C10orf90: variants seen among roughly 807,000 people sequenced by gnomAD.
C10orf90 encodes chromosome 10 open reading frame 90.
Under a neutral mutation model 62.5 loss-of-function variants are expected in C10orf90, and 56 were observed. The ratio of observed to expected loss-of-function variants is 0.90; its 90% CI spans 0.72 to 1.12. The LOEUF (loss-of-function observed/expected upper bound fraction) is 1.12, where lower values mean the gene tolerates loss of function less well. C10orf90 is among the 50% of genes most tolerant of loss of function. The pLI is 0.00. For synonymous variants in C10orf90, 386 were observed against 340.4 expected, an observed-to-expected ratio of 1.13 and a Z score of -1.47; for missense variants, 970 against 880.4, an observed-to-expected ratio of 1.10 and a Z score of -1.29.
chr10:126,578,333 A>G (rs551956992), intron 2 of C10orf90, among the ~76,000 whole-genome samples: 1 of 152,332 alleles, frequency 6.6e-6, no homozygotes, highest in Admixed American at 6.5e-5. Context: ...AAGAACTTAG[A>G]CTTTTCACAA....
At chr10:126,668,516 G>A (rs1200302290) in intron 1 of C10orf90, among the ~76,000 whole-genome samples, 1 of 152,158 alleles carries the variant, frequency 6.6e-6, no homozygotes, top group Non-Finnish European at 1.5e-5. Context: ...TGTCATGGTA[G>A]GAATAACATG....
chr10:126,458,867 G>A (rs1215885949), intron 7 of C10orf90, among the ~76,000 whole-genome samples, 173 bp downstream of exon 7: 1 of 152,166 alleles, frequency 6.6e-6, no homozygotes, highest in Non-Finnish European at 1.5e-5. Flanking sequence ...CTCAAAATGG[G>A]CTGGCTCCAA....
At chr10:126,522,445 C>T (rs1863788289) in intron 2 of C10orf90, among the ~76,000 whole-genome samples, 1 of 152,200 alleles carries the variant, frequency 6.6e-6, no homozygotes, top group Non-Finnish European at 1.5e-5. Context: ...TGGGATAAAG[C>T]CTCAGTCATT....
intron 4 of C10orf90, among the ~76,000 whole-genome samples, chr10:126,485,420 T>C (rs1206596018): frequency 2.0e-5 from 3 of 152,206 alleles, no homozygotes; most frequent in Admixed American, 2.0e-4. Context: ...AAATTCATTA[T>C]TAAATGAAGA....
intron 1 of C10orf90, among the ~76,000 whole-genome samples, chr10:126,653,534 A>C (rs1846332317): frequency 6.6e-6 from 1 of 152,192 alleles, no homozygotes; most frequent in African/African-American, 2.4e-5. Flanking sequence ...TTCAGGCTCC[A>C]CTTCTAATTC....
chr10:126,556,746 C>G (rs1013783183), intron 2 of C10orf90, among the ~76,000 whole-genome samples: 3 of 152,072 alleles, frequency 2.0e-5, no homozygotes, highest in Non-Finnish European at 4.4e-5. Flanking sequence ...GCCACCCAGA[C>G]ACCCTATTTC....
chr10:126,556,266 C>T (rs375202079), intron 2 of C10orf90, among the ~76,000 whole-genome samples: 1 of 152,226 alleles, frequency 6.6e-6, no homozygotes, highest in Non-Finnish European at 1.5e-5. Context: ...ATGTCAACAG[C>T]GAGTACTACA....
Position 126,504,898 on chromosome 10 carries a change from G to A in C10orf90, c.593C>T (p.Ala198Val), listed in dbSNP as rs754482667. Residue 198 changes from alanine to valine, a missense_variant, in exon 4 of 10, where the codon GCG (alanine) becomes GTG (valine). By Grantham distance (64) the Ala-to-Val change is moderately conservative. Coordinates refer to ENST00000488181, the MANE Select transcript of C10orf90 (RefSeq NM_001350921.2). The surrounding 1 kb of genome is among the most constrained non-coding windows in gnomAD (Gnocchi z 4.1). Reference protein sequence around the residue: ...RSGVNIHRAFALLPGRLGIPA... With the variant: ...RSGVNIHRAFVLLPGRLGIPA... ...GATTCCTAATCTGCCCGGAAGTAACGCAAATGCTCTGTGAATGTTGACTCC... is the reference window on the plus strand; with the variant it reads ...GATTCCTAATCTGCCCGGAAGTAACACAAATGCTCTGTGAATGTTGACTCC... The A allele has an allele frequency of 2.5e-6, 4 of 1,614,192 alleles. No homozygotes were observed. Among genetic ancestry groups the A allele is most frequent in the Non-Finnish European group, 3.4e-6 (4 of 1,180,032 alleles).
intron 2 of C10orf90, among the ~76,000 whole-genome samples, chr10:126,629,281 G>A (rs908273504): frequency 2.0e-5 from 3 of 152,158 alleles, no homozygotes; most frequent in Non-Finnish European, 4.4e-5. Flanking sequence ...TCTTTTTGGC[G>A]AGAGAACTAG....
chr10:126,538,073 G>C (rs1204146176), intron 2 of C10orf90, among the ~76,000 whole-genome samples: 1 of 152,206 alleles, frequency 6.6e-6, no homozygotes, highest in Non-Finnish European at 1.5e-5. Context: ...AATTTACAAA[G>C]GAAAGAGGTT....
chr10:126,595,763 T>C (rs906091621), intron 2 of C10orf90, among the ~76,000 whole-genome samples: 1 of 152,264 alleles, frequency 6.6e-6, no homozygotes, highest in Non-Finnish European at 1.5e-5. Flanking sequence ...AAGGCGAATA[T>C]AGCAGTGGAG....
At chr10:126,550,936 G>A (rs1864617234) in intron 2 of C10orf90, among the ~76,000 whole-genome samples, 2 of 152,192 alleles carry the variant, frequency 1.3e-5, no homozygotes, top group African/African-American at 4.8e-5. Context: ...CCTCTCTTCT[G>A]TGTTTTCTCC....
chr10:126,481,785 C>T (rs1395191243), intron 4 of C10orf90, among the ~76,000 whole-genome samples: 1 of 152,200 alleles, frequency 6.6e-6, no homozygotes, highest in African/African-American at 2.4e-5. Context: ...GTTCCAAAGA[C>T]CAGCCATAAA....
chr10:126,504,334 A>G lies in C10orf90; in HGVS notation c.1157T>C (p.Val386Ala). Residue 386 changes from valine to alanine, a missense_variant, in exon 4 of 10, where the codon GTC becomes GCC. Val to Ala is a moderately conservative substitution (Grantham distance 64, BLOSUM62 0). Coordinates refer to ENST00000488181, the MANE Select transcript of C10orf90 (RefSeq NM_001350921.2). The surrounding 1 kb of genome is among the most constrained non-coding windows in gnomAD (Gnocchi z 4.1). Reference protein sequence around the residue: ...QIASPKMHRSVLSLNLNCSSH... With the variant: ...QIASPKMHRSALSLNLNCSSH... ...ACTACAATTGAGGTTGAGCGACAGG[A>G]CGGATCTGTGCATTTTGGGGCTGGC... is the stretch of plus-strand genomic sequence containing the variant. 6.2e-7 allele frequency: 1 copy of G among 1,614,180 alleles called. No homozygotes were observed. Among genetic ancestry groups the G allele is most frequent in the Non-Finnish European group, 8.5e-7 (1 of 1,180,038 alleles).
intron 2 of C10orf90, among the ~76,000 whole-genome samples, chr10:126,600,497 A>G (rs992080407): frequency 6.6e-6 from 1 of 152,186 alleles, no homozygotes; most frequent in African/African-American, 2.4e-5. Context: ...ACCAAAGCCA[A>G]TCAAATGCAA....
chr10:126,610,546 G>C (rs939264909), intron 2 of C10orf90, among the ~76,000 whole-genome samples: 1 of 152,198 alleles, frequency 6.6e-6, no homozygotes, highest in Non-Finnish European at 1.5e-5. Flanking sequence ...ATAACACTCT[G>C]GGAAGGCAGA....
intron 7 of C10orf90, among the ~76,000 whole-genome samples, chr10:126,458,742 C>T (rs1262057996): frequency 6.6e-6 from 1 of 152,156 alleles, no homozygotes; most frequent in Non-Finnish European, 1.5e-5. Context: ...TATTAGGAGC[C>T]AAGAATTTGA....
intron 7 of C10orf90, among the ~76,000 whole-genome samples, chr10:126,434,167 T>C (rs1014232669): frequency 6.6e-6 from 1 of 152,222 alleles, no homozygotes; most frequent in Non-Finnish European, 1.5e-5. Context: ...TTCTGAGAAC[T>C]ACTCAGGTAA....
chr10:126,508,190 AGT>A (rs1554903933), intron 3 of C10orf90, among the ~76,000 whole-genome samples: 2 of 149,680 alleles, frequency 1.3e-5, no homozygotes, highest in Non-Finnish European at 3.0e-5. Context: ...AGAGAGAGAG[AGT>A]GTGTGTGTGT....
Sources: allele counts gnomAD v4.1 joint callset (sites outside exome capture counted in the v4.1 genomes callset), GRCh38; gene constraint gnomAD v4.1.1; non-coding constraint Gnocchi (gnomAD v3.1); transcripts MANE v1.5; gene names NCBI Gene and HGNC (gene_info 2026-07-23, HGNC 2026-07-21).